SLC4A4: variants seen among roughly 807,000 people sequenced by gnomAD.
The protein encoded by SLC4A4 is solute carrier family 4 member 4.
Under a neutral mutation model 111.5 loss-of-function variants are expected in SLC4A4, and 27 were observed. The ratio of observed to expected loss-of-function variants is 0.24; its 90% confidence interval spans 0.18 to 0.33. The LOEUF (loss-of-function observed/expected upper bound fraction) is 0.33. Ranked by LOEUF, SLC4A4 falls within the 10% of genes least tolerant of loss-of-function variation. The pLI is 1.00. For synonymous variants in SLC4A4, 443 were observed against 463.4 expected (o/e 0.96, Z 0.57); for missense variants, 909 against 1,315.5 (o/e 0.69, Z 4.78).
intron 1 of SLC4A4, among the ~76,000 whole-genome samples, chr4:71,230,873 C>A (rs925901572): frequency 7.9e-5 from 12 of 152,216 alleles, no homozygotes; most frequent in Non-Finnish European, 1.8e-4. Context: ...GAGCTCAGTA[C>A]CGCAGTCGCT....
intron 2 of SLC4A4, among the ~76,000 whole-genome samples, chr4:71,116,288 A>G (rs1020024038): frequency 8.5e-5 from 13 of 152,200 alleles, no homozygotes; most frequent in Non-Finnish European, 1.8e-4. Context: ...TGTACTTCGT[A>G]GCTTATGTAG....
Position 71,472,696 on chromosome 4 carries a change from C to A in SLC4A4, c.1632-3C>A. The A allele has an allele frequency of 2.5e-6, 4 of 1,611,902 alleles. No individual in the cohort carries two copies. Among genetic ancestry groups the A allele is most frequent in the Non-Finnish European group, 3.4e-6 (4 of 1,178,794 alleles). ...TCTAAACATTTTTCTTTCTTTTTTC[C>A]AGGGACAATAATTTTGACTATTTGG... On this transcript the variant is annotated splice_polypyrimidine_tract_variant and splice_region_variant and intron_variant, in intron 13 of 25. Coordinates refer to ENST00000264485, the MANE Select transcript of SLC4A4 (RefSeq NM_001098484.3).
At chr4:71,394,652 A>G (rs115755742) in intron 6 of SLC4A4, among the ~76,000 whole-genome samples, 2,635 of 152,242 alleles carry the variant, frequency 0.017, 90 homozygotes, top group African/African-American at 0.06. Context: ...ACAATTCACA[A>G]TTGCAGAATT....
Position 71,397,590 on chromosome 4 carries a change from G to T in SLC4A4, c.744G>T (p.Met248Ile), listed in dbSNP as rs1215215654. ...FTNPDNGSPA[M>I]THRNLTSSSL... is the part of the protein sequence containing the mutation. ...GTGTTTTTCCAGGTAGCCCAGCCAT[G>T]ACCCATAGGAATCTGACTTCCTCCA... is the stretch of plus-strand genomic sequence containing the variant. The change falls in exon 7 of 26, where the codon ATG (methionine) becomes ATT (isoleucine). Residue 248 changes from methionine to isoleucine, a missense_variant. Coordinates refer to ENST00000264485, the MANE Select transcript of SLC4A4 (RefSeq NM_001098484.3). 6.2e-7 allele frequency: 1 copy of T among 1,613,820 alleles called. No individual in the cohort carries two copies. The highest frequency in any genetic ancestry group is 8.5e-7 in the Non-Finnish European group (1 of 1,179,874).
chr4:71,488,761 C>A (rs1729636682), intron 15 of SLC4A4, among the ~76,000 whole-genome samples: 1 of 151,678 alleles, frequency 6.6e-6, no homozygotes, highest in Non-Finnish European at 1.5e-5. Flanking sequence ...AATGTTTACC[C>A]TTCCAGTTCC....
intron 1 of SLC4A4, among the ~76,000 whole-genome samples, chr4:71,091,128 A>C (rs1298080707): frequency 6.6e-6 from 1 of 151,912 alleles, no homozygotes; most frequent in Non-Finnish European, 1.5e-5. Context: ...TTGTATTTTT[A>C]GTAGAGATGA....
At chr4:71,474,714 A>T (rs5001313) in intron 14 of SLC4A4, among the ~76,000 whole-genome samples, 1 of 151,766 alleles carries the variant, frequency 6.6e-6, no homozygotes, top group Non-Finnish European at 1.5e-5. Flanking sequence ...TTTAAAAGCA[A>T]TGCAGAAAGT....
At position 71,557,873 on chromosome 4, in the gene SLC4A4, T is replaced by C. The variant is rs143924311; in HGVS notation, c.2925T>C (p.Ile975=). The C allele has an allele frequency of 1.4e-4, 225 of 1,612,212 alleles. No homozygotes were observed. The highest frequency in any genetic ancestry group is 8.3e-4 in the Middle Eastern group (5 of 6,052). Reference sequence around the variant, plus strand: ...TCAAGTCAACGGTGGCTGCTATCATTTTTCCAGTAATGGTAGGGATTCCTT... The same window carrying C: ...TCAAGTCAACGGTGGCTGCTATCATCTTTCCAGTAATGGTAGGGATTCCTT... ...WILKSTVAAI[I]FPVMILALVA... The change falls in exon 22 of 26, where the codon ATT becomes ATC. Residue 975 remains isoleucine, a synonymous_variant. Transcript: ENST00000264485.
intron 3 of SLC4A4, among the ~76,000 whole-genome samples, chr4:71,321,362 T>A (rs1415412639): frequency 6.6e-6 from 1 of 152,014 alleles, no homozygotes; most frequent in Non-Finnish European, 1.5e-5. Flanking sequence ...AGCATCAACA[T>A]TTACTTGTGT....
chr4:71,501,053 A>G (rs1578053774), intron 16 of SLC4A4, among the ~76,000 whole-genome samples: 1 of 152,174 alleles, frequency 6.6e-6, no homozygotes, highest in African/African-American at 2.4e-5. Flanking sequence ...GGTAGTATGG[A>G]CTTTTTAATA....
intron 2 of SLC4A4, among the ~76,000 whole-genome samples, chr4:71,150,540 A>G (rs1310599931): frequency 6.6e-6 from 1 of 152,182 alleles, no homozygotes; most frequent in Non-Finnish European, 1.5e-5. Flanking sequence ...CGTTACCTAA[A>G]TGGAAATGTG....
At chr4:71,080,762 G>A (rs1215402915) in intron 1 of SLC4A4, among the ~76,000 whole-genome samples, 1 of 151,996 alleles carries the variant, frequency 6.6e-6, no homozygotes, top group Non-Finnish European at 1.5e-5. Context: ...ACCTGGGTTT[G>A]TAAGCCCACT....
At chr4:71,195,166 T>C (rs115667152) in intron 1 of SLC4A4, among the ~76,000 whole-genome samples, 247 of 151,574 alleles carry the variant, frequency 1.6e-3, no homozygotes, top group African/African-American at 5.2e-3. Context: ...GATTTCTATA[T>C]AGAAATCTAG....
chr4:71,466,050 C>T (rs1206687374), intron 12 of SLC4A4, among the ~76,000 whole-genome samples: 3 of 152,054 alleles, frequency 2.0e-5, no homozygotes, highest in South Asian at 2.1e-4. Context: ...CGAAATCAGG[C>T]TAAACACTGA....
intron 2 of SLC4A4, among the ~76,000 whole-genome samples, chr4:71,145,777 T>A (rs1744147783): frequency 6.6e-6 from 1 of 152,214 alleles, no homozygotes; most frequent in East Asian, 1.9e-4. Context: ...TGTATTTCTG[T>A]GGGATCGGTG....
intron 2 of SLC4A4, among the ~76,000 whole-genome samples, chr4:71,167,664 T>A (rs2148980560): frequency 6.6e-6 from 1 of 152,336 alleles, no homozygotes; most frequent in South Asian, 2.1e-4. Context: ...CTAATAGACA[T>A]CTCAAACTTC....
intron 2 of SLC4A4, among the ~76,000 whole-genome samples, chr4:71,162,910 G>T (rs1744648691): frequency 6.6e-6 from 1 of 152,068 alleles, no homozygotes; most frequent in African/African-American, 2.4e-5. Flanking sequence ...TGCCATGTTT[G>T]GGAACATTCT....
chr4:71,257,630 A>C (rs1452137902), intron 3 of SLC4A4, among the ~76,000 whole-genome samples: 2 of 152,168 alleles, frequency 1.3e-5, no homozygotes, highest in East Asian at 3.9e-4. Flanking sequence ...CTTGCCTACT[A>C]TACTATTATT....
intron 3 of SLC4A4, among the ~76,000 whole-genome samples, chr4:71,277,013 C>T (rs191422799): frequency 1.3e-5 from 2 of 152,150 alleles, no homozygotes; most frequent in African/African-American, 4.8e-5. Flanking sequence ...CACTGCACTC[C>T]AGCCTGGGTA....
Sources: allele counts gnomAD v4.1 joint callset (sites outside exome capture counted in the v4.1 genomes callset), GRCh38; gene constraint gnomAD v4.1.1; transcripts MANE v1.5; gene names NCBI Gene and HGNC (gene_info 2026-07-23, HGNC 2026-07-21).